The following ARHGAP22 variants were observed in gnomAD, a reference collection of about 807,000 sequenced individuals.
ARHGAP22 encodes the protein Rho GTPase activating protein 22, also known as rho GTPase-activating protein 22.
A neutral mutation model predicts 59.1 loss-of-function variants in ARHGAP22; 48 were observed. The observed-to-expected ratio is 0.81, with a 90% confidence interval of 0.64 to 1.03. The LOEUF (loss-of-function observed/expected upper bound fraction) is 1.03. Ranked by LOEUF, ARHGAP22 falls within the 50% of genes least tolerant of loss-of-function variation. The pLI, the probability that ARHGAP22 is intolerant of heterozygous loss-of-function variation, is 0.00. For synonymous variants in ARHGAP22, 445 were observed against 416.4 expected (o/e 1.07, Z -0.84); for missense variants, 1,015 against 958.7 (o/e 1.06, Z -0.78).
At chr10:48,555,136 T>C (rs2057206226) in intron 3 of ARHGAP22, among the ~76,000 whole-genome samples, 4 of 152,220 alleles carry the variant, frequency 2.6e-5, no homozygotes, top group Non-Finnish European at 4.4e-5. Flanking sequence ...TGTGCTAGTG[T>C]TTTTCCCTGG....
At chr10:48,560,431 A>T (rs901967554) in intron 2 of ARHGAP22, among the ~76,000 whole-genome samples, 1 of 152,158 alleles carries the variant, frequency 6.6e-6, no homozygotes, top group Non-Finnish European at 1.5e-5. Flanking sequence ...TTTTGACATA[A>T]ACAATTATGT....
Position 48,450,816 on chromosome 10 carries a change from A to T in ARHGAP22, c.1313T>A (p.Leu438Gln), listed in dbSNP as rs776314747. The change falls in exon 9 of 10, where the codon CTA becomes CAA. Residue 438 changes from leucine (L) to glutamine (Q), a missense_variant. By Grantham distance (113) the Leu-to-Gln change is moderately radical (BLOSUM62 -2). Coordinates refer to ENST00000249601, the MANE Select transcript of ARHGAP22 (RefSeq NM_021226.4). ...GCCGCCCCCCTTCGGGCTTCCCGAT[A>T]GGGACCTCGGCTGCCGGAAGGAGGA... ...WKSSFRQPRS[L>Q]SGSPKGGGSS... 6.3e-7 allele frequency: 1 copy of T among 1,584,594 alleles called. No homozygotes were observed. The highest frequency in any genetic ancestry group is 1.7e-5 in the Admixed American group (1 of 57,210).
At chr10:48,609,784 G>A (rs960326078), upstream of ARHGAP22, among the ~76,000 whole-genome samples, 1 of 152,092 alleles carries the variant, frequency 6.6e-6, no homozygotes, top group Admixed American at 6.5e-5. Flanking sequence ...CTTCTACAAG[G>A]CCTGTTGCGA....
intron 1 of ARHGAP22, among the ~76,000 whole-genome samples, chr10:48,645,870 G>T (rs1025636760): frequency 3.3e-5 from 5 of 152,100 alleles, no homozygotes; most frequent in African/African-American, 1.2e-4. Flanking sequence ...GAGAGGCAGA[G>T]AAAAATTTAA....
chr10:48,513,514 C>T (rs1034725424), intron 3 of ARHGAP22, among the ~76,000 whole-genome samples: 1 of 152,220 alleles, frequency 6.6e-6, no homozygotes, highest in African/African-American at 2.4e-5. Context: ...GGGTAGAAGA[C>T]TTATTGCTTC....
At chr10:48,550,598 A>T (rs2056824413) in intron 3 of ARHGAP22, among the ~76,000 whole-genome samples, 1 of 152,250 alleles carries the variant, frequency 6.6e-6, no homozygotes, top group Non-Finnish European at 1.5e-5. Context: ...TACTTTTGCA[A>T]GCCACAGGTT....
At chr10:48,628,305 C>G (rs1565023509) in intron 1 of ARHGAP22, among the ~76,000 whole-genome samples, 1 of 152,230 alleles carries the variant, frequency 6.6e-6, no homozygotes, top group Non-Finnish European at 1.5e-5. Context: ...TACCAGGCAC[C>G]TACCACACAC....
intron 4 of ARHGAP22, among the ~76,000 whole-genome samples, chr10:48,467,613 T>A (rs1306346519): frequency 6.6e-6 from 1 of 152,130 alleles, no homozygotes; most frequent in Non-Finnish European, 1.5e-5. Flanking sequence ...TTCAGCAAGT[T>A]ATGGGTCAAG....
intron 1 of ARHGAP22, among the ~76,000 whole-genome samples, chr10:48,599,633 A>G (rs1057360747): frequency 1.3e-5 from 2 of 152,178 alleles, no homozygotes; most frequent in Non-Finnish European, 2.9e-5. Context: ...CCCACCACAC[A>G]CCTTTGTATC....
intron 1 of ARHGAP22, among the ~76,000 whole-genome samples, chr10:48,597,873 C>A (rs2060159932): frequency 6.6e-6 from 1 of 152,254 alleles, no homozygotes; most frequent in African/African-American, 2.4e-5. Flanking sequence ...TAAGTAATCA[C>A]TGGGGCTGGT....
At chr10:48,504,799 C>G (rs1458539319) in intron 3 of ARHGAP22, among the ~76,000 whole-genome samples, 1 of 152,016 alleles carries the variant, frequency 6.6e-6, no homozygotes, top group Non-Finnish European at 1.5e-5. Context: ...CAGGTGGTGA[C>G]AGGCACCCAG....
chr10:48,613,777 G>T (rs887238166), intron 1 of ARHGAP22, among the ~76,000 whole-genome samples: 3 of 152,130 alleles, frequency 2.0e-5, no homozygotes, highest in Non-Finnish European at 4.4e-5. Context: ...TTAAGGAAGT[G>T]CTATGGTTTG....
chr10:48,524,004 C>T (rs921449798), intron 3 of ARHGAP22: 10 of 1,437,736 alleles, frequency 7.0e-6, no homozygotes, highest in Non-Finnish European at 8.2e-6. Context: ...GGCTGGCAGC[C>T]TCTGGCGGCG....
chr10:48,455,297 A>G (rs112367266), intron 5 of ARHGAP22, among the ~76,000 whole-genome samples, 163 bp from the exon 6 acceptor site: 87 of 152,324 alleles, frequency 5.7e-4, no homozygotes, highest in Non-Finnish European at 9.7e-4. Context: ...AGGAAAGGCC[A>G]GTGCTGCTTC....
chr10:48,444,732 A>G (rs1462444518), downstream of ARHGAP22: 1 of 152,246 alleles, frequency 6.6e-6, no homozygotes, highest in Admixed American at 6.5e-5. Flanking sequence ...ATCAGGACGC[A>G]CTGCTGTTCC....
intron 6 of ARHGAP22, among the ~76,000 whole-genome samples, chr10:48,454,747 C>G (rs1433272023): frequency 6.6e-6 from 1 of 152,194 alleles, no homozygotes; most frequent in Non-Finnish European, 1.5e-5. Flanking sequence ...CCACCCCTCC[C>G]AGGGACCAAG....
chr10:48,441,917 C>T (rs952608557), downstream of ARHGAP22, among the ~76,000 whole-genome samples: 3 of 152,220 alleles, frequency 2.0e-5, no homozygotes, highest in Non-Finnish European at 4.4e-5. Flanking sequence ...CCTGTGTTCT[C>T]ATCTTCTCTT....
chr10:48,435,347 T>A, the ARHGAP22 span: 16 of 220,076 alleles, frequency 7.3e-5, no homozygotes, highest in East Asian at 6.0e-4. Context: ...TTAACTGAAT[T>A]TGTAAGATTT....
chr10:48,481,881 G>A (rs935847497), intron 3 of ARHGAP22, among the ~76,000 whole-genome samples: 2 of 152,178 alleles, frequency 1.3e-5, no homozygotes, highest in African/African-American at 4.8e-5. Context: ...CATCTTTTAT[G>A]TATTTAGTTG....
Sources: allele counts gnomAD v4.1 joint callset (sites outside exome capture counted in the v4.1 genomes callset), GRCh38; gene constraint gnomAD v4.1.1; transcripts MANE v1.5; gene names NCBI Gene and HGNC (gene_info 2026-07-23, HGNC 2026-07-21).